L3MBTL4: variants seen among roughly 807,000 people sequenced by gnomAD.
The protein encoded by L3MBTL4 is L3MBTL histone methyl-lysine binding protein 4.
L3MBTL4 carries 70 observed loss-of-function variants against 84.5 expected under a neutral mutation model. The observed-to-expected ratio is 0.83, with a 90% CI of 0.68 to 1.01. L3MBTL4 has a LOEUF of 1.01. Ranked by LOEUF, L3MBTL4 falls within the 50% of genes least tolerant of loss-of-function variation. L3MBTL4 has a pLI of 0.00. For synonymous variants in L3MBTL4, 274 were observed against 259.8 expected, an observed-to-expected ratio of 1.05 and a Z score of -0.52; for missense variants, 715 against 754.8, an observed-to-expected ratio of 0.95 and a Z score of 0.62.
intron 16 of L3MBTL4, among the ~76,000 whole-genome samples, chr18:5,984,066 T>A (rs957968774): frequency 6.6e-6 from 1 of 152,094 alleles, no homozygotes; most frequent in African/African-American, 2.4e-5. Flanking sequence ...TGCATATCAC[T>A]GTGCCTGAGT....
Position 6,190,122 on chromosome 18 carries a change from T to C in L3MBTL4, c.982-18180A>G, listed in dbSNP as rs1457880166. On this transcript the variant is annotated intron_variant, in intron 12 of 18. Coordinates refer to ENST00000317931, the MANE Select transcript of L3MBTL4 (RefSeq NM_001330559.2). ...AGGCAAAAACAAAAGATATAGAGAT[T>C]GCCAGACTAAATAAAAAGCACGAAA... 2.6e-5 allele frequency among the ~76,000 whole-genome samples: 4 copies of C among 152,220 alleles called. No individual in the cohort carries two copies. In the East Asian group the frequency reaches 7.7e-4, roughly 29 times the overall value.
chr18:6,172,274 CTGTCCTATTAACCACTTCAAGAACCA>C (rs2044010755), intron 12 of L3MBTL4, among the ~76,000 whole-genome samples: 2 of 152,206 alleles, frequency 1.3e-5, no homozygotes, highest in South Asian at 4.1e-4. Context: ...TCCTGAGCGA[CTGTCCTATTAACCACTTCAAGAACCA>C]TGTCAGCATC....
intron 16 of L3MBTL4, among the ~76,000 whole-genome samples, chr18:5,992,981 T>A (rs2053771307): frequency 6.6e-6 from 1 of 152,218 alleles, no homozygotes. Context: ...GTCGATCTGA[T>A]TTCGATTCCA....
chr18:6,163,408 A>G (rs2043465696), intron 13 of L3MBTL4, among the ~76,000 whole-genome samples: 1 of 151,976 alleles, frequency 6.6e-6, no homozygotes, highest in Admixed American at 6.6e-5. Flanking sequence ...AAATCAATAA[A>G]ACATAAATAT....
At chr18:6,185,783 C>T (rs1002767777) in intron 12 of L3MBTL4, among the ~76,000 whole-genome samples, 5 of 151,938 alleles carry the variant, frequency 3.3e-5, no homozygotes, top group African/African-American at 9.7e-5. Flanking sequence ...AAGAGGCCAC[C>T]GAAGGAGGGC....
intron 16 of L3MBTL4, among the ~76,000 whole-genome samples, chr18:6,035,653 A>C (rs1328765878): frequency 6.6e-6 from 1 of 152,124 alleles, no homozygotes; most frequent in Non-Finnish European, 1.5e-5. Context: ...GTTCCATATG[A>C]ACTTTAAAGT....
intron 13 of L3MBTL4, among the ~76,000 whole-genome samples, chr18:6,142,371 A>G (rs371912396): frequency 2.0e-5 from 3 of 152,210 alleles, no homozygotes; most frequent in African/African-American, 7.2e-5. Flanking sequence ...TTACAGTGAA[A>G]TTAGGTTGCA....
chr18:6,010,595 A>T (rs1419161151), intron 16 of L3MBTL4, among the ~76,000 whole-genome samples: 2 of 152,200 alleles, frequency 1.3e-5, no homozygotes, highest in Admixed American at 6.5e-5. Context: ...TTCAATTTTT[A>T]TCAGTGTTGG....
intron 16 of L3MBTL4, among the ~76,000 whole-genome samples, chr18:5,977,496 T>C (rs1170090237): frequency 6.6e-6 from 1 of 152,180 alleles, no homozygotes; most frequent in African/African-American, 2.4e-5. Context: ...GCTGCCCCAA[T>C]GCAGGCTCTT....
chr18:6,329,051 G>A (rs1367938531), intron 1 of L3MBTL4, among the ~76,000 whole-genome samples: 1 of 151,766 alleles, frequency 6.6e-6, no homozygotes, highest in Admixed American at 6.6e-5. Context: ...ATGTGAATGT[G>A]TACCCTTGGT....
intron 16 of L3MBTL4, among the ~76,000 whole-genome samples, chr18:6,071,523 C>A (rs996290830): frequency 1.3e-5 from 2 of 151,584 alleles, no homozygotes; most frequent in Admixed American, 1.3e-4. Context: ...GTAATCCCAG[C>A]ACTTTGAGAG....
intron 16 of L3MBTL4, among the ~76,000 whole-genome samples, chr18:6,072,879 AAAATATATATATATATATATATATAT>A (rs2057721145): frequency 2.4e-5 from 1 of 41,596 alleles, no homozygotes; most frequent in African/African-American, 1.0e-4. Context: ...AAAAAAAAAA[AAAATATATATATATATATATATATAT>A]ATATATATAT....
intron 16 of L3MBTL4, among the ~76,000 whole-genome samples, chr18:5,999,905 T>TA (rs1555626574): frequency 6.6e-6 from 1 of 152,116 alleles, no homozygotes. Flanking sequence ...TTCAAGGAGT[T>TA]AGAGTTTTCA....
At chr18:6,107,904 C>T (rs1424468930) in intron 14 of L3MBTL4, among the ~76,000 whole-genome samples, 1 of 152,168 alleles carries the variant, frequency 6.6e-6, no homozygotes, top group African/African-American at 2.4e-5. Context: ...TTACCGAACA[C>T]CACTTGTTTA....
intron 1 of L3MBTL4, among the ~76,000 whole-genome samples, chr18:6,344,357 G>A (rs191740233): frequency 2.4e-4 from 37 of 152,226 alleles, no homozygotes; most frequent in Admixed American, 7.2e-4. Flanking sequence ...AAGAAATAGA[G>A]AATCTGAACA....
At chr18:6,232,279 T>G (rs904383356) in intron 10 of L3MBTL4, among the ~76,000 whole-genome samples, 2 of 152,142 alleles carry the variant, frequency 1.3e-5, no homozygotes, top group Non-Finnish European at 2.9e-5. Context: ...ACTGTTGATT[T>G]TGGGTTTTCT....
intron 16 of L3MBTL4, among the ~76,000 whole-genome samples, chr18:5,986,750 T>A (rs2053479352): frequency 6.6e-6 from 1 of 152,186 alleles, no homozygotes; most frequent in South Asian, 2.1e-4. Context: ...CCTAGAGGAA[T>A]GTACAGGGGC....
chr18:6,125,165 C>T (rs9947169), intron 14 of L3MBTL4, among the ~76,000 whole-genome samples: 2,362 of 140,818 alleles, frequency 0.017, 66 homozygotes, highest in African/African-American at 0.059. Flanking sequence ...TAACAAAATG[C>T]GGAAGGAAGG....
intron 14 of L3MBTL4, among the ~76,000 whole-genome samples, chr18:6,118,106 T>C (rs187712176): frequency 6.6e-6 from 1 of 151,916 alleles, no homozygotes; most frequent in African/African-American, 2.4e-5. Context: ...CTGTGGCCTC[T>C]TCCCCATGCC....
Sources: gnomAD v4.1 joint callset for allele counts (sites outside exome capture counted in the v4.1 genomes callset) on GRCh38, gnomAD v4.1.1 for gene constraint, MANE v1.5 for transcripts, NCBI Gene and HGNC (gene_info 2026-07-23, HGNC 2026-07-21) for gene names.